Variants in ITGB4 observed in about 807,000 individuals in gnomAD.
The protein encoded by ITGB4 is integrin beta-4.
A neutral mutation model predicts 207.6 loss-of-function variants in ITGB4; 159 were observed. The observed-to-expected ratio is 0.77, with a 90% confidence interval of 0.67 to 0.87. The LOEUF is 0.87. Ranked by LOEUF, ITGB4 falls within the 40% of genes least tolerant of loss-of-function variation. ITGB4 has a pLI of 0.00. For missense variants in ITGB4, 2,278 were observed against 2,546.8 expected, an observed-to-expected ratio of 0.89 and a Z score of 2.27; for synonymous variants, 1,020 against 1,062.7, an observed-to-expected ratio of 0.96 and a Z score of 0.78.
chr17:75,756,230 T>C (rs578054052), intron 35 of ITGB4, among the ~76,000 whole-genome samples, 199 bp from the exon 36 acceptor site: 1 of 152,158 alleles, frequency 6.6e-6, no homozygotes, highest in East Asian at 1.9e-4. Context: ...TAAACATGAG[T>C]GGGATTACAG....
Position 75,727,440 on chromosome 17 carries a change from C to G in ITGB4, c.199C>G (p.Leu67Val). ...CCGGCGCTGCAACACCCAGGCGGAG[C>G]TGCTGGCCGCGGGCTGCCAGCGGGA... ...RDRRCNTQAE[L>V]LAAGCQRESI... is the part of the protein sequence containing the mutation. The change falls in exon 4 of 40, where the codon CTG becomes GTG. Residue 67 changes from leucine (L) to valine (V), a missense_variant. By Grantham distance (32) the Leu-to-Val change is conservative (BLOSUM62 1). Coordinates refer to ENST00000200181, the MANE Select transcript of ITGB4 (RefSeq NM_000213.5). The surrounding 1 kb of genome is among the most constrained non-coding windows in gnomAD (Gnocchi z 6.0). The G allele has an allele frequency of 1.2e-6, 2 of 1,613,992 alleles. No homozygotes were observed. Among genetic ancestry groups the G allele is most frequent in the Non-Finnish European group, 1.7e-6 (2 of 1,180,014 alleles).
intron 13 of ITGB4, 75 bp from the exon 14 acceptor site, chr17:75,735,976 C>G (rs2060965606): frequency 7.0e-7 from 1 of 1,421,538 alleles, no homozygotes; most frequent in Non-Finnish European, 9.9e-7. Flanking sequence ...CCCACAGGCC[C>G]TCCCTGCCAG....
intron 25 of ITGB4, 113 bp from the exon 26 acceptor site, chr17:75,743,600 G>A: frequency 6.9e-7 from 1 of 1,445,370 alleles, no homozygotes; most frequent in Non-Finnish European, 9.7e-7. Flanking sequence ...ATGCATAGAG[G>A]GAACCAAGCG....
At chr17:75,749,989 G>A (rs1288659939) in intron 27 of ITGB4, 122 bp from the exon 28 acceptor site, 2 of 1,214,006 alleles carry the variant, frequency 1.6e-6, no homozygotes, top group East Asian at 4.7e-5. Flanking sequence ...CAGAGACGCG[G>A]GTGGGCAGGT....
Position 75,739,469 on chromosome 17 carries a change from G to A in ITGB4, c.2221-203G>A, listed in dbSNP as rs562955202. On this transcript the variant is annotated intron_variant, in intron 18 of 39. Coordinates refer to ENST00000200181, the MANE Select transcript of ITGB4 (RefSeq NM_000213.5). The surrounding 1 kb of genome is among the most constrained non-coding windows in gnomAD (Gnocchi z 5.4). ...CCCGGCAGGATGAGAGTTCCACGGCGCAAACTTTGGGAACCCTCTGCCCCC... is the reference window on the plus strand; with the variant it reads ...CCCGGCAGGATGAGAGTTCCACGGCACAAACTTTGGGAACCCTCTGCCCCC... Among the ~76,000 whole-genome samples the A allele has an allele frequency of 2.0e-5, 3 of 152,206 alleles. No homozygotes were observed. The highest frequency in any genetic ancestry group is 1.9e-4 in the East Asian group (1 of 5,178).
Position 75,737,521 on chromosome 17 carries a change from T to C in ITGB4, c.2114-17T>C, listed in dbSNP as rs772419450. 1.9e-6 allele frequency: 3 copies of C among 1,560,200 alleles called. No homozygotes were observed. In the African/African-American group the frequency reaches 4.1e-5, roughly 21 times the overall value. On this transcript the variant is annotated splice_polypyrimidine_tract_variant and intron_variant, in intron 17 of 39. Coordinates refer to ENST00000200181, the MANE Select transcript of ITGB4 (RefSeq NM_000213.5). ...GGGGAGGACAGGCACCACCTCCCCCTGCCTCCTCCTCTCCAGACTGCCCTC... is the reference window on the plus strand; with the variant it reads ...GGGGAGGACAGGCACCACCTCCCCCCGCCTCCTCCTCTCCAGACTGCCCTC...
intron 15 of ITGB4, 81 bp from the exon 16 acceptor site, chr17:75,736,484 A>T: frequency 6.2e-7 from 1 of 1,606,548 alleles, no homozygotes; most frequent in South Asian, 1.1e-5. Context: ...GAGCTGGCCA[A>T]GGGCAAGAGG....
chr17:75,734,127 G>GTTTTTTTTTTT (rs58249158), intron 13 of ITGB4, among the ~76,000 whole-genome samples: 1 of 76,058 alleles, frequency 1.3e-5, no homozygotes, highest in Non-Finnish European at 2.4e-5. Flanking sequence ...TGTTGCTGCT[G>GTTTTTTTTTTT]TTTTTTTTTT....
At position 75,731,354 on chromosome 17, in the gene ITGB4, C is replaced by A; in HGVS notation, c.1201C>A (p.Arg401=). 6.2e-7 allele frequency: 1 copy of A among 1,611,376 alleles called. No individual in the cohort carries two copies. The highest frequency in any genetic ancestry group is 2.2e-5 in the East Asian group (1 of 44,828). ...GACGAGGACTGGGTCCTTTCACATC[C>A]GGCGGGGGGAAGTGGTACGCCTCTG... ...QKTRTGSFHI[R]RGEVGIYQVQ... is the part of the protein sequence containing the mutation. Residue 401 remains arginine (R), a synonymous_variant, in exon 10 of 40, where the codon CGG becomes AGG. Transcript: ENST00000200181. The surrounding 1 kb of genome is among the most constrained non-coding windows in gnomAD (Gnocchi z 6.8).
chr17:75,726,303 A>C (rs1305101897), intron 2 of ITGB4, among the ~76,000 whole-genome samples: 1 of 152,144 alleles, frequency 6.6e-6, no homozygotes, highest in African/African-American at 2.4e-5. Context: ...AAAATAAAAA[A>C]TTAGCTGGGC....
chr17:75,756,792 G>A lies in ITGB4; in HGVS notation c.4986G>A (p.Glu1662=), dbSNP rs1193843293. ...CAGACTCGCTGCAGCTGAGCTGGGA[G>A]CGGCCACGGAGGCCCAATGGGGATA... is the stretch of plus-strand genomic sequence containing the variant. The part of the protein sequence containing the change: ...LSPDSLQLSW[E]RPRRPNGDIV... The change falls in exon 37 of 40, where the codon GAG becomes GAA. Residue 1662 remains glutamate (E), a synonymous_variant. Coordinates refer to ENST00000200181, the MANE Select transcript of ITGB4 (RefSeq NM_000213.5). The A allele has an allele frequency of 1.9e-6, 3 of 1,612,612 alleles. No individual in the cohort carries two copies. Among genetic ancestry groups the A allele is most frequent in the Non-Finnish European group, 2.5e-6 (3 of 1,180,020 alleles).
At chr17:75,752,420 C>A in intron 31 of ITGB4, 26 bp from the exon 32 acceptor site, 1 of 1,612,914 alleles carries the variant, frequency 6.2e-7, no homozygotes, top group Non-Finnish European at 8.5e-7. Context: ...GCAGCCAGGG[C>A]CCTGGCTCAC....
In ITGB4 at chr17:75,748,987, T is replaced by C; in HGVS notation, c.3258T>C (p.Pro1086=). The C allele has an allele frequency of 6.2e-7, 1 of 1,613,298 alleles. No homozygotes were observed. The highest frequency in any genetic ancestry group is 8.5e-7 in the Non-Finnish European group (1 of 1,180,002). Residue 1086 remains proline (P), a synonymous_variant, in exon 27 of 40, where the codon CCT becomes CCC. Transcript: ENST00000200181. ...GTTTCCACGTCCAGCTCAGCAACCC[T>C]AAGTTTGGGGCCCACCTGGGCCAGC... ...VRRFHVQLSN[P]KFGAHLGQPH...
Position 75,742,605 on chromosome 17 carries a change from C to T in ITGB4, c.2806C>T (p.Gln936Ter). The T allele has an allele frequency of 2.5e-6, 4 of 1,614,000 alleles. No individual in the cohort carries two copies. The highest frequency in any genetic ancestry group is 3.4e-6 in the Non-Finnish European group (4 of 1,180,008). The part of the protein sequence containing the change: ...DQDARGMVEF[Q>*]EGVELVDVRV... ...AGACGCCCGGGGCATGGTGGAGTTC[C>T]AGGAGGGCGTGGAGCTGGTGGACGT... Residue 936 changes from glutamine to a stop codon, truncating the protein, a stop_gained, in exon 25 of 40, where the codon CAG (glutamine) becomes TAG (stop). Transcript: ENST00000200181. LOFTEE classifies it high-confidence loss of function. This position sits in a 1 kb window ranked among gnomAD's most constrained non-coding sequence, Gnocchi z 5.9.
At position 75,741,008 on chromosome 17, in the gene ITGB4, G is replaced by T; in HGVS notation, c.2633+3G>T. 1.2e-6 allele frequency: 2 copies of T among 1,613,362 alleles called. No individual in the cohort carries two copies. The highest frequency in any genetic ancestry group is 1.7e-6 in the Non-Finnish European group (2 of 1,179,976). On this transcript the variant is annotated splice_donor_region_variant and intron_variant, in intron 23 of 39. Coordinates refer to ENST00000200181, the MANE Select transcript of ITGB4 (RefSeq NM_000213.5). ...CAGCAGCCCAATGCCGGGAAAAAGT[G>T]AGTAGAAGACTCGTGGGTGAGAGGG... is the stretch of plus-strand genomic sequence containing the variant.
intron 34 of ITGB4, chr17:75,755,337 C>T (rs2061472055): frequency 5.8e-6 from 6 of 1,030,928 alleles, no homozygotes; most frequent in Non-Finnish European, 7.0e-6. Context: ...CCCCCGCCTG[C>T]CCACAGGCGC....
chr17:75,755,883 C>T, intron 35 of ITGB4, 33 bp downstream of exon 35: 8 of 1,592,558 alleles, frequency 5.0e-6, no homozygotes, highest in Non-Finnish European at 6.8e-6. Context: ...CTGCGGGGTG[C>T]AGCCCTGCAA....
At position 75,757,263 on chromosome 17, in the gene ITGB4, GCAGCATCAC is replaced by G. The variant is rs2061538050; in HGVS notation, c.5285_5293del (p.Ser1762_Thr1764del). 1 of 1,611,106 alleles carries G rather than the reference GCAGCATCAC, an allele frequency of 6.2e-7. No individual in the cohort carries two copies. The highest frequency in any genetic ancestry group is 1.7e-5 in the Admixed American group (1 of 59,340). ...CAGCACCCGCTGCAAAGCGAGTACAGCAGCATCACCACCACCCACACCAGCGCCACCGAG... is the reference window on the plus strand; with the variant it reads ...CAGCACCCGCTGCAAAGCGAGTACAGCACCACCCACACCAGCGCCACCGAG... On this transcript the variant is annotated inframe_deletion, in exon 39 of 40. Transcript: ENST00000200181.
At chr17:75,741,437 T>C (rs556958203) in intron 23 of ITGB4, among the ~76,000 whole-genome samples, 1 of 151,896 alleles carries the variant, frequency 6.6e-6, no homozygotes, top group African/African-American at 2.4e-5. Context: ...TGGCCCTTCA[T>C]GGGGAGAGAG....
Sources: allele counts gnomAD v4.1 joint callset (sites outside exome capture counted in the v4.1 genomes callset), GRCh38; gene constraint gnomAD v4.1.1; non-coding constraint Gnocchi (gnomAD v3.1); transcripts MANE v1.5; gene names NCBI Gene and HGNC (gene_info 2026-07-23, HGNC 2026-07-21).